The following DNAH14 variants were observed in gnomAD, a reference collection of about 807,000 sequenced individuals.
The protein encoded by DNAH14 is axonemal beta dynein heavy chain 14.
In DNAH14, 478 loss-of-function variants were observed where a neutral mutation model predicts 520.9. The ratio of observed to expected loss-of-function variants is 0.92; its 90% confidence interval spans 0.85 to 0.99. The LOEUF is 0.99. DNAH14 is among the 50% of genes least tolerant of loss of function. The pLI is 0.00. For missense variants in DNAH14, 4,831 were observed against 5,234.5 expected, an observed-to-expected ratio of 0.92 and a Z score of 2.38; for synonymous variants, 1,581 against 1,757.2, an observed-to-expected ratio of 0.90 and a Z score of 2.51.
At chr1:225,305,593 T>C (rs1199633187) in intron 58 of DNAH14, among the ~76,000 whole-genome samples, 1 of 152,050 alleles carries the variant, frequency 6.6e-6, no homozygotes, top group Non-Finnish European at 1.5e-5. Context: ...TCCAGGAAGA[T>C]GGGGAAATGA....
At chr1:225,116,968 G>C (rs16843956) in intron 23 of DNAH14, among the ~76,000 whole-genome samples, 11,102 of 152,160 alleles carry the variant, frequency 0.073, 630 homozygotes, top group East Asian at 0.24. Flanking sequence ...CAAGCAAGTA[G>C]ACAGTAGCTA....
At chr1:224,967,907 G>T (rs2061285720) in intron 6 of DNAH14, 3 of 1,226,808 alleles carry the variant, frequency 2.4e-6, no homozygotes, top group African/African-American at 3.1e-5. Context: ...ATAAAGAAAA[G>T]AATATTCTTT....
intron 8 of DNAH14, among the ~76,000 whole-genome samples, 161 bp downstream of exon 8, chr1:224,974,314 T>TA (rs2061672513): frequency 6.6e-6 from 1 of 152,176 alleles, no homozygotes; most frequent in African/African-American, 2.4e-5. Flanking sequence ...AAAAGACTAT[T>TA]AAACACTGTG....
At chr1:225,212,990 A>G (rs12085406) in intron 41 of DNAH14, among the ~76,000 whole-genome samples, 4,019 of 152,260 alleles carry the variant, frequency 0.026, 163 homozygotes, top group African/African-American at 0.08. Flanking sequence ...GCCCATGCCT[A>G]TGTCCTGAAT....
At chr1:225,041,060 A>G (rs1190802934) in intron 12 of DNAH14, among the ~76,000 whole-genome samples, 2 of 152,246 alleles carry the variant, frequency 1.3e-5, no homozygotes, top group Non-Finnish European at 2.9e-5. Context: ...TGTGGGTTCA[A>G]TGCAGGCTGA....
At chr1:224,973,626 A>G (rs1219526264) in intron 7 of DNAH14, among the ~76,000 whole-genome samples, 1 of 152,194 alleles carries the variant, frequency 6.6e-6, no homozygotes, top group Non-Finnish European at 1.5e-5. Context: ...AAAAATTACA[A>G]GTGCATTTTT....
chr1:225,043,588 G>A (rs1157268892), intron 13 of DNAH14, among the ~76,000 whole-genome samples, 156 bp from the exon 14 acceptor site: 2 of 152,118 alleles, frequency 1.3e-5, no homozygotes, highest in Non-Finnish European at 2.9e-5. Context: ...CAGAACCTTG[G>A]AATGGGGTGT....
intron 7 of DNAH14, among the ~76,000 whole-genome samples, chr1:224,969,991 C>T (rs554241641): frequency 6.6e-6 from 1 of 152,236 alleles, no homozygotes; most frequent in African/African-American, 2.4e-5. Flanking sequence ...GAAAGAAGAA[C>T]AGGATAACAG....
chr1:225,368,420 T>C (rs545062936), intron 77 of DNAH14, among the ~76,000 whole-genome samples: 1 of 152,312 alleles, frequency 6.6e-6, no homozygotes, highest in South Asian at 2.1e-4. Context: ...CATAACTTAG[T>C]ATAAAAATGT....
intron 9 of DNAH14, among the ~76,000 whole-genome samples, chr1:225,003,723 T>C (rs1046625257): frequency 3.9e-5 from 6 of 152,106 alleles, no homozygotes; most frequent in Admixed American, 3.9e-4. Context: ...GTATATTTTT[T>C]ATACTTATAT....
At chr1:225,153,963 T>C in intron 34 of DNAH14, 137 bp downstream of exon 34, 1 of 540,918 alleles carries the variant, frequency 1.8e-6, no homozygotes, top group Non-Finnish European at 3.1e-6. Flanking sequence ...GCAGAGATTA[T>C]TTAAGAATAT....
intron 23 of DNAH14, among the ~76,000 whole-genome samples, chr1:225,115,612 C>T (rs1290786706): frequency 6.6e-6 from 1 of 152,112 alleles, no homozygotes; most frequent in East Asian, 1.9e-4. Flanking sequence ...CATATAGGCC[C>T]TCTTCTATTG....
intron 48 of DNAH14, 140 bp from the exon 49 acceptor site, chr1:225,266,501 A>C: frequency 2.0e-6 from 1 of 496,112 alleles, no homozygotes; most frequent in Non-Finnish European, 3.2e-6. Context: ...GAAATCAGAC[A>C]TGTTATTACA....
intron 36 of DNAH14, among the ~76,000 whole-genome samples, chr1:225,172,007 G>A (rs538925104): frequency 7.9e-5 from 12 of 152,156 alleles, no homozygotes; most frequent in East Asian, 5.8e-4. Flanking sequence ...CAGAACCAAC[G>A]ACAAAAACCA....
Position 225,187,227 on chromosome 1 carries a change from T to C in DNAH14, c.5670+1802T>C, listed in dbSNP as rs183950809. Among the ~76,000 whole-genome samples the C allele has an allele frequency of 1.7e-3, 255 of 151,886 alleles. 1 individual carries two copies. Among genetic ancestry groups the C allele is most frequent in the Non-Finnish European group, 2.1e-3 (145 of 67,756 alleles). On this transcript the variant is annotated intron_variant, in intron 37 of 85. Coordinates refer to ENST00000682510, the MANE Select transcript of DNAH14 (RefSeq NM_001367479.1). ...CTGGTGACATTTAATATATTCACAA[T>C]GTTATGCAATTACTACCTCCCTCTA...
At chr1:225,285,327 T>A (rs1305091392) in intron 54 of DNAH14, among the ~76,000 whole-genome samples, 1 of 152,036 alleles carries the variant, frequency 6.6e-6, no homozygotes, top group Admixed American at 6.5e-5. Flanking sequence ...AGTGAGTGGA[T>A]CACTCGAGGC....
intron 20 of DNAH14, among the ~76,000 whole-genome samples, chr1:225,083,819 A>G (rs2073419107): frequency 6.6e-6 from 1 of 152,192 alleles, no homozygotes; most frequent in South Asian, 2.1e-4. Flanking sequence ...GCAAATACCA[A>G]CAGATGAATT....
chr1:225,300,460 T>C (rs2094117333), intron 55 of DNAH14, among the ~76,000 whole-genome samples: 1 of 152,216 alleles, frequency 6.6e-6, no homozygotes, highest in Non-Finnish European at 1.5e-5. Flanking sequence ...GGCTCATGCC[T>C]GTAATCCCAG....
chr1:225,132,781 T>G (rs975209995), intron 27 of DNAH14, among the ~76,000 whole-genome samples: 22 of 152,162 alleles, frequency 1.4e-4, no homozygotes, highest in African/African-American at 5.3e-4. Flanking sequence ...TCTAGGTCTT[T>G]GAGGAATCGC....
Sources: gnomAD v4.1 joint callset for allele counts (sites outside exome capture counted in the v4.1 genomes callset) on GRCh38, gnomAD v4.1.1 for gene constraint, MANE v1.5 for transcripts, NCBI Gene and HGNC (gene_info 2026-07-23, HGNC 2026-07-21) for gene names.